RBPJ: variants seen among roughly 807,000 people sequenced by gnomAD.
The protein encoded by RBPJ is recombination signal binding protein for immunoglobulin kappa J region.
RBPJ carries 9 observed loss-of-function variants against 67.8 expected under a neutral mutation model. The observed-to-expected ratio is 0.13, with a 90% CI of 0.08 to 0.23. RBPJ has a LOEUF of 0.23. RBPJ is among the 10% of genes least tolerant of loss of function. The pLI, the probability that RBPJ is intolerant of heterozygous loss-of-function variation, is 1.00. For missense variants in RBPJ, 305 were observed against 595.6 expected, an observed-to-expected ratio of 0.51 and a Z score of 5.08; for synonymous variants, 198 against 203.3, an observed-to-expected ratio of 0.97 and a Z score of 0.22.
the RBPJ span, among the ~76,000 whole-genome samples, chr4:26,120,952 A>T: frequency 8.5e-6 from 1 of 117,088 alleles, no homozygotes; most frequent in African/African-American, 2.9e-5. Flanking sequence ...GGAGAGAGAG[A>T]TGAAGGGGGG....
At position 26,189,648 on chromosome 4, in the gene RBPJ, ACT is replaced by A. The variant is rs1482477109; in HGVS notation, c.-167+26036_-167+26037del. Among the ~76,000 whole-genome samples, 5 of 152,262 alleles carry A rather than the reference ACT, an allele frequency of 3.3e-5. No individual in the cohort carries two copies. The South Asian group carries it at 8.3e-4, about 25-fold the overall frequency. On this transcript the variant is annotated intron_variant, in intron 1 of 4. Transcript: ENST00000512351. ...ACTCCAGCCTGGGAAACAGAGCAAG[ACT>A]CCACCTAAAAAGAAAGAAAGAAAGA...
chr4:26,172,102 T>C (rs957617848), intron 1 of RBPJ, among the ~76,000 whole-genome samples: 8 of 152,196 alleles, frequency 5.3e-5, no homozygotes, highest in Non-Finnish European at 1.0e-4. Flanking sequence ...TCCTTGTGCA[T>C]TGATGATATC....
intron 1 of RBPJ, among the ~76,000 whole-genome samples, chr4:26,288,918 T>A (rs1721570021): frequency 5.1e-5 from 7 of 138,172 alleles, no homozygotes; most frequent in Admixed American, 4.9e-4. Flanking sequence ...CATAAGGCCT[T>A]TTCACCATCC....
chr4:26,288,492 C>T (rs1408384411), intron 1 of RBPJ, among the ~76,000 whole-genome samples: 1 of 152,198 alleles, frequency 6.6e-6, no homozygotes. Context: ...CATGTAATGA[C>T]TTATTCTCAC....
At chr4:26,333,565 T>C (rs1325873648) in intron 1 of RBPJ, among the ~76,000 whole-genome samples, 1 of 152,218 alleles carries the variant, frequency 6.6e-6, no homozygotes, top group African/African-American at 2.4e-5. Context: ...AAAAAAAATT[T>C]TTTTTTTGAG....
intron 1 of RBPJ, among the ~76,000 whole-genome samples, chr4:26,255,290 G>C (rs1474328575): frequency 1.5e-5 from 2 of 134,460 alleles, no homozygotes; most frequent in South Asian, 2.4e-4. Flanking sequence ...TGTAGTCCCA[G>C]CTACTCGGGA....
chr4:26,362,789 G>T (rs1294778480), intron 1 of RBPJ, among the ~76,000 whole-genome samples: 4 of 152,174 alleles, frequency 2.6e-5, no homozygotes. Flanking sequence ...ATTTATGGTA[G>T]TATTTTTTGT....
At chr4:26,282,719 C>G (rs1242450704) in intron 1 of RBPJ, among the ~76,000 whole-genome samples, 1 of 151,890 alleles carries the variant, frequency 6.6e-6, no homozygotes, top group East Asian at 1.9e-4. Context: ...CGAGGTTTCT[C>G]CATGTTGGCC....
intron 1 of RBPJ, among the ~76,000 whole-genome samples, chr4:26,199,401 A>C (rs1717902094): frequency 6.6e-6 from 1 of 152,170 alleles, no homozygotes; most frequent in Non-Finnish European, 1.5e-5. Context: ...TGAGGAAAGA[A>C]AAGGTTGATA....
At chr4:26,270,656 C>T (rs1334487418) in intron 1 of RBPJ, among the ~76,000 whole-genome samples, 1 of 151,576 alleles carries the variant, frequency 6.6e-6, no homozygotes, top group Non-Finnish European at 1.5e-5. Flanking sequence ...GTAGTCCTTC[C>T]TAGGTGTACT....
chr4:26,184,095 T>C (rs1189399425), intron 1 of RBPJ, among the ~76,000 whole-genome samples: 1 of 149,600 alleles, frequency 6.7e-6, no homozygotes, highest in African/African-American at 2.5e-5. Flanking sequence ...GGCAGGAGAA[T>C]CGCTTGAACC....
chr4:26,400,226 A>G (rs1732631364), intron 2 of RBPJ, among the ~76,000 whole-genome samples: 1 of 152,152 alleles, frequency 6.6e-6, no homozygotes, highest in Non-Finnish European at 1.5e-5. Context: ...TTATCCCAGT[A>G]GTTTTCATTC....
At chr4:26,368,687 A>G (rs1165972207) in intron 1 of RBPJ, among the ~76,000 whole-genome samples, 1 of 152,176 alleles carries the variant, frequency 6.6e-6, no homozygotes, top group Non-Finnish European at 1.5e-5. Flanking sequence ...TGGTGAGGGG[A>G]TTAAAAATGC....
intron 1 of RBPJ, among the ~76,000 whole-genome samples, chr4:26,176,617 T>TC (rs1402113139): frequency 1.2e-4 from 18 of 152,300 alleles, no homozygotes; most frequent in African/African-American, 3.6e-4. Context: ...CCAGCTGACG[T>TC]CCCCCTTCAA....
At chr4:26,327,542 GTTTTTTTTTT>G (rs11350013) in intron 1 of RBPJ, among the ~76,000 whole-genome samples, 2 of 104,888 alleles carry the variant, frequency 1.9e-5, no homozygotes, top group Non-Finnish European at 3.7e-5. Context: ...GACCCTGGAG[GTTTTTTTTTT>G]TTTTTTTTTT....
intron 2 of RBPJ, among the ~76,000 whole-genome samples, chr4:26,395,551 T>A (rs1442635536): frequency 6.6e-6 from 1 of 152,158 alleles, no homozygotes; most frequent in Non-Finnish European, 1.5e-5. Flanking sequence ...TGAAATTTGA[T>A]CCTGAATATT....
the RBPJ span, among the ~76,000 whole-genome samples, chr4:26,130,159 C>G: frequency 1.2e-4 from 18 of 152,292 alleles, no homozygotes; most frequent in Admixed American, 6.5e-5. Flanking sequence ...CCATGCCCAG[C>G]CTCAGAGGGA....
intron 1 of RBPJ, among the ~76,000 whole-genome samples, chr4:26,313,524 G>T (rs1042328435): frequency 2.0e-5 from 3 of 152,120 alleles, no homozygotes; most frequent in African/African-American, 7.2e-5. Flanking sequence ...GAAAAAGTTA[G>T]CTGGGTGTGG....
chr4:26,120,912 A>G, the RBPJ span, among the ~76,000 whole-genome samples: 6 of 130,712 alleles, frequency 4.6e-5, no homozygotes, highest in African/African-American at 8.1e-5. Flanking sequence ...ATAAATGGAC[A>G]TACATTTTTC....
Sources: gnomAD v4.1 joint callset for allele counts (sites outside exome capture counted in the v4.1 genomes callset) on GRCh38, gnomAD v4.1.1 for gene constraint, MANE v1.5 for transcripts, NCBI Gene and HGNC (gene_info 2026-07-23, HGNC 2026-07-21) for gene names.